PINLYP: variants seen among roughly 807,000 people sequenced by gnomAD.
PINLYP encodes the protein phospholipase A2 inhibitor and LY6/PLAUR domain containing, also known as phospholipase A2 inhibitor and Ly6/PLAUR domain-containing protein.
In PINLYP, 12 loss-of-function variants were observed where a neutral mutation model predicts 15.8. That is an observed-to-expected ratio of 0.76 (90% confidence interval 0.49 to 1.23). The LOEUF (loss-of-function observed/expected upper bound fraction) is 1.23. Among genes scored for constraint, PINLYP ranks in the 50% most tolerant of loss-of-function variants. PINLYP has a pLI of 0.00. For synonymous variants in PINLYP, 93 were observed against 97.7 expected, an observed-to-expected ratio of 0.95 and a Z score of 0.28; for missense variants, 278 against 264.2, an observed-to-expected ratio of 1.05 and a Z score of -0.36.
At position 43,580,783 on chromosome 19, in the gene PINLYP, C is replaced by A. The variant is rs1295515082; in HGVS notation, c.188-429C>A. On this transcript the variant is annotated intron_variant, in intron 3 of 5. Transcript: ENST00000599207. ...GCCATGCACCAGACAGATTTGGCCG[C>A]ATGGCTCTAGGGGGCTTGAAAGAGA... 3.8e-6 allele frequency: 3 copies of A among 793,904 alleles called. No individual in the cohort carries two copies. In the African/African-American group the frequency reaches 5.6e-5, roughly 15 times the overall value. The allele number at this position is 793,904 out of a possible 1,614,324, so 49.2% of individuals were successfully genotyped here.
chr19:43,581,317 G>A (rs1248191608), exon 4 of PINLYP: 9 of 1,536,862 alleles, frequency 5.9e-6, no homozygotes, highest in Non-Finnish European at 7.8e-6. Context: ...ATGGTAACCA[G>A]CTCCTTCTGC....
At chr19:43,578,285 C>T (rs78894925) in intron 2 of PINLYP, among the ~76,000 whole-genome samples, 11,082 of 152,238 alleles carry the variant, frequency 0.073, 614 homozygotes, top group East Asian at 0.29. Flanking sequence ...ACCTCCATCA[C>T]GACCCCTCCC....
Position 43,578,713 on chromosome 19 carries a change from G to A in PINLYP, c.187+7G>A. On this transcript the variant is annotated splice_region_variant and intron_variant, in intron 3 of 5. Transcript: ENST00000599207. ...GTCGGGAAGGCTACTTCAAGTAAGA[G>A]GATGTGGCCTGGGACCTGGTGGGGA... The A allele has an allele frequency of 6.5e-7, 1 of 1,533,120 alleles. No homozygotes were observed. The highest frequency in any genetic ancestry group is 8.7e-7 in the Non-Finnish European group (1 of 1,144,288). 95.0% of individuals were successfully genotyped at this position (1,533,120 alleles called of 1,614,324 possible).
At chr19:43,578,488 G>A (rs1432962538) in intron 2 of PINLYP, 102 bp from the exon 3 acceptor site, 10 of 765,618 alleles carry the variant, frequency 1.3e-5, no homozygotes, top group Non-Finnish European at 1.9e-5. Context: ...CCAGGGAGCT[G>A]CTGGTCCCTC....
chr19:43,578,706 A>G lies in PINLYP; in HGVS notation c.187A>G (p.Lys63Glu), dbSNP rs1025603944. The change falls in exon 3 of 6, where the codon AAG (lysine) becomes GAG (glutamate). Residue 63 changes from lysine (K) to glutamate (E), a missense_variant and splice_region_variant. Transcript: ENST00000599207. ...GCTCCTGGTCGGGAAGGCTACTTCA[A>G]GTAAGAGGATGTGGCCTGGGACCTG... The G allele has an allele frequency of 9.1e-6, 14 of 1,534,604 alleles. No homozygotes were observed. The Admixed American group carries it at 2.0e-4, about 22-fold the overall frequency.
At chr19:43,575,570 G>C, upstream of PINLYP, 3 of 1,199,136 alleles carry the variant, frequency 2.5e-6, no homozygotes, top group Admixed American at 2.7e-5. Flanking sequence ...AAGTGCGCAA[G>C]CGCGCGAGGC....
chr19:43,576,265 G>A (rs952663646), exon 1 of PINLYP, among the ~76,000 whole-genome samples: 3 of 152,088 alleles, frequency 2.0e-5, no homozygotes, highest in Admixed American at 2.0e-4. Flanking sequence ...AGGGAACCTG[G>A]ATTCTACGCA....
chr19:43,577,155 T>C (rs1460362083), exon 2 of PINLYP: 7 of 1,535,770 alleles, frequency 4.6e-6, no homozygotes, highest in Non-Finnish European at 6.1e-6. Flanking sequence ...CAGCTTCCTA[T>C]AAAAGCTGGG....
exon 3 of PINLYP, chr19:43,578,675 A>C (rs1972894193): frequency 6.5e-7 from 1 of 1,535,768 alleles, no homozygotes; most frequent in Non-Finnish European, 8.7e-7. Flanking sequence ...ACAAGGACAC[A>C]TGTGTGCTCC....
chr19:43,577,212 A>T, exon 2 of PINLYP: 1 of 1,536,128 alleles, frequency 6.5e-7, no homozygotes, highest in Non-Finnish European at 8.7e-7. Flanking sequence ...CCAGGAGACC[A>T]GAGACCTTTC....
exon 1 of PINLYP, among the ~76,000 whole-genome samples, chr19:43,576,373 A>G (rs541710053): frequency 4.0e-5 from 6 of 150,056 alleles, no homozygotes; most frequent in Admixed American, 2.0e-4. Flanking sequence ...GCGCGCGCGC[A>G]CGCGCGAAAA....
rs1305333959 is a variant in PINLYP, at chr19:43,580,483, A to T, written c.188-729A>T. On this transcript the variant is annotated intron_variant, in intron 3 of 5. Transcript: ENST00000599207. Reference sequence around the variant, plus strand: ...ATGCCTGTTGCTGGGACCGGGGTTCATTGGAAGAGACTACGGGGTGGGCGG... The same window carrying T: ...ATGCCTGTTGCTGGGACCGGGGTTCTTTGGAAGAGACTACGGGGTGGGCGG... The T allele has an allele frequency of 1.3e-5, 13 of 963,158 alleles. No individual in the cohort carries two copies. In the African/African-American group the frequency reaches 2.2e-4, roughly 16 times the overall value. The allele number at this position is 963,158 out of a possible 1,614,324, so 59.7% of individuals were successfully genotyped here.
chr19:43,575,619 G>A (rs991240704), upstream of PINLYP: 3 of 598,576 alleles, frequency 5.0e-6, no homozygotes, highest in African/African-American at 1.9e-5. Flanking sequence ...CGCCGGCGTC[G>A]ACACTGCGCA....
chr19:43,576,597 C>T (rs1489383866), exon 1 of PINLYP, among the ~76,000 whole-genome samples: 1 of 152,196 alleles, frequency 6.6e-6, no homozygotes, highest in African/African-American at 2.4e-5. Context: ...ACAGACATCC[C>T]TCTGTTCATT....
exon 6 of PINLYP, chr19:43,581,988 C>T: frequency 4.6e-6 from 7 of 1,536,206 alleles, no homozygotes; most frequent in Non-Finnish European, 5.2e-6. Context: ...ATAGAGTGCA[C>T]TCACTCCCCC....
At chr19:43,578,844 G>A (rs1051551247) in intron 3 of PINLYP, 138 bp downstream of exon 3, 1 of 656,094 alleles carries the variant, frequency 1.5e-6, no homozygotes, top group Non-Finnish European at 2.7e-6. Flanking sequence ...CAGGAAAGAG[G>A]GAAAGACCAT....
exon 5 of PINLYP, chr19:43,581,670 C>G: frequency 9.8e-6 from 15 of 1,536,382 alleles, no homozygotes; most frequent in Non-Finnish European, 1.3e-5. Context: ...AAAGGAAAAC[C>G]ACTGCGTCTC....
At chr19:43,580,562 G>A (rs1356307922) in intron 3 of PINLYP, 2 of 984,870 alleles carry the variant, frequency 2.0e-6, no homozygotes, top group Non-Finnish European at 2.4e-6. Context: ...AAGGCATGGG[G>A]GTGGCCATAG....
At chr19:43,576,873 G>A (rs1437705023) in exon 1 of PINLYP, 2 of 351,688 alleles carry the variant, frequency 5.7e-6, no homozygotes, top group African/African-American at 2.2e-5. Context: ...GCCCAACTCC[G>A]TCTTGGTCTT....
Sources: gnomAD v4.1 joint callset for allele counts (sites outside exome capture counted in the v4.1 genomes callset) on GRCh38, gnomAD v4.1.1 for gene constraint, MANE v1.5 for transcripts, NCBI Gene and HGNC (gene_info 2026-07-23, HGNC 2026-07-21) for gene names.